Variants in SMAD1 observed in about 807,000 individuals in gnomAD.
SMAD1 encodes the protein MAD, mothers against decapentaplegic homolog 1.
SMAD1 carries 6 observed loss-of-function variants against 41.6 expected under a neutral mutation model. The observed-to-expected ratio is 0.14, with a 90% CI of 0.08 to 0.28. The LOEUF is 0.28. Among genes scored for constraint, SMAD1 ranks in the 10% least tolerant of loss-of-function variants. The pLI is 1.00. For missense variants in SMAD1, 379 were observed against 582.6 expected, an observed-to-expected ratio of 0.65 and a Z score of 3.60; for synonymous variants, 206 against 203.2, an observed-to-expected ratio of 1.01 and a Z score of -0.12.
chr4:145,514,495 T>C lies in SMAD1; in HGVS notation c.-119T>C. ...AATGGTAATTTCTACTCTTCTGGAC[T>C]TCAAACTAAGAAGTTAAAGAGACTT... On this transcript the variant is annotated 5_prime_UTR_variant, in exon 2 of 7. Coordinates refer to ENST00000302085, the MANE Select transcript of SMAD1 (RefSeq NM_005900.3). This position sits in a 1 kb window ranked among gnomAD's most constrained non-coding sequence, Gnocchi z 4.7. The C allele has an allele frequency of 1.0e-6, 1 of 1,000,376 alleles. No individual in the cohort carries two copies. Among genetic ancestry groups the C allele is most frequent in the Non-Finnish European group, 1.4e-6 (1 of 692,522 alleles). The allele number at this position is 1,000,376 out of a possible 1,614,324, so 62.0% of individuals were successfully genotyped here.
At chr4:145,524,701 C>T (rs938861918) in intron 2 of SMAD1, among the ~76,000 whole-genome samples, 2 of 151,672 alleles carry the variant, frequency 1.3e-5, no homozygotes, top group African/African-American at 2.4e-5. Flanking sequence ...CTTTCAGATT[C>T]ATTTAAAGTG....
intron 1 of SMAD1, among the ~76,000 whole-genome samples, chr4:145,489,910 A>G (rs1001423568): frequency 6.6e-6 from 1 of 152,226 alleles, no homozygotes; most frequent in Non-Finnish European, 1.5e-5. Context: ...GCTGTTTGAC[A>G]TAGACCAAAG....
At chr4:145,490,191 A>G (rs1728699322) in intron 1 of SMAD1, among the ~76,000 whole-genome samples, 1 of 152,156 alleles carries the variant, frequency 6.6e-6, no homozygotes, top group African/African-American at 2.4e-5. Flanking sequence ...GACAGAGAGC[A>G]ATTGGAGGTG....
rs541376109 is a variant in SMAD1 at position 145,491,258 on chromosome 4, A to C, written c.-177+9220A>C. On this transcript the variant is annotated intron_variant, in intron 1 of 6. Coordinates refer to ENST00000302085, the MANE Select transcript of SMAD1 (RefSeq NM_005900.3). ...AAATTGGTAGTGGACGTGAACAAGC[A>C]TTTCACAAACAAATGAAATGCCAAC... 2.9e-3 allele frequency among the ~76,000 whole-genome samples: 435 copies of C among 152,328 alleles called. 1 individual carries two copies. Among genetic ancestry groups the C allele is most frequent in the African/African-American group, 9.9e-3 (413 of 41,564 alleles).
chr4:145,494,382 C>G lies in SMAD1; in HGVS notation c.-177+12344C>G, dbSNP rs1297427672. On this transcript the variant is annotated intron_variant, in intron 1 of 6. Coordinates refer to ENST00000302085, the MANE Select transcript of SMAD1 (RefSeq NM_005900.3). Reference sequence around the variant, plus strand: ...AGGAATTGTAAGTACAGGACCTGCACTGAGGATCTTCTAACTTTAAGGAAC... The same window carrying G: ...AGGAATTGTAAGTACAGGACCTGCAGTGAGGATCTTCTAACTTTAAGGAAC... 2.0e-5 allele frequency among the ~76,000 whole-genome samples: 3 copies of G among 152,242 alleles called. No individual in the cohort carries two copies. The East Asian group carries it at 5.8e-4, about 29-fold the overall frequency.
chr4:145,504,482 C>G (rs1187347184), intron 1 of SMAD1, among the ~76,000 whole-genome samples: 1 of 152,154 alleles, frequency 6.6e-6, no homozygotes, highest in East Asian at 1.9e-4. Context: ...ATCTTTCATG[C>G]TTTTTGTTAG....
At chr4:145,481,300 G>A (rs1268336096), upstream of SMAD1, 2 of 152,064 alleles carry the variant, frequency 1.3e-5, no homozygotes, top group African/African-American at 2.4e-5. Context: ...TATTTACTAG[G>A]CTATCCAATT....
Position 145,540,972 on chromosome 4 carries a change from T to TTAAA in SMAD1, c.658+913_658+914insAATA, listed in dbSNP as rs569422103. On this transcript the variant is annotated intron_variant, in intron 3 of 6. Transcript: ENST00000302085. Reference sequence around the variant, plus strand: ...TTGCTTTCTTTTATTTATGTATTTATTACCTTCTTTTATTTAAATCTTGTT... The same window carrying TTAAA: ...TTGCTTTCTTTTATTTATGTATTTATTAAATACCTTCTTTTATTTAAATCTTGTT... Among the ~76,000 whole-genome samples, 103 of 152,226 alleles carry TTAAA rather than the reference T, an allele frequency of 6.8e-4. 1 individual carries two copies. Among genetic ancestry groups the TTAAA allele is most frequent in the Non-Finnish European group, 1.2e-3 (84 of 68,046 alleles).
At chr4:145,498,538 CA>C (rs1729227788) in intron 1 of SMAD1, among the ~76,000 whole-genome samples, 1 of 152,118 alleles carries the variant, frequency 6.6e-6, no homozygotes, top group Non-Finnish European at 1.5e-5. Context: ...TTGAAAACAG[CA>C]ATTGGTTAAA....
intron 1 of SMAD1, among the ~76,000 whole-genome samples, chr4:145,501,778 A>G (rs1019653856): frequency 2.0e-5 from 3 of 151,640 alleles, no homozygotes; most frequent in African/African-American, 7.3e-5. Flanking sequence ...CTGGTTTAAA[A>G]TATAGATATA....
Position 145,558,681 on chromosome 4 carries a change from G to T in SMAD1, c.*747G>T, listed in dbSNP as rs111473861. The stretch of plus-strand genomic sequence containing the variant: ...GTTTGTTGCTTTAAAGAAACAAACT[G>T]ATACCTGAATTTTGCTGTGTTTCCA... On this transcript the variant is annotated 3_prime_UTR_variant, in exon 7 of 7. Transcript: ENST00000302085. Among the ~76,000 whole-genome samples, 1,976 of 149,800 alleles carry T rather than the reference G, an allele frequency of 0.013. 59 individuals carry two copies. Among genetic ancestry groups the T allele is most frequent in the African/African-American group, 0.047 (1,884 of 39,856 alleles).
intron 1 of SMAD1, among the ~76,000 whole-genome samples, chr4:145,498,433 C>G (rs1357678578): frequency 6.6e-6 from 1 of 152,090 alleles, no homozygotes; most frequent in East Asian, 1.9e-4. Flanking sequence ...TATCTTGCCA[C>G]CTGTTGGTCA....
Position 145,496,976 on chromosome 4 carries a change from A to G in SMAD1, c.-177+14938A>G, listed in dbSNP as rs1729113709. The G allele has an allele frequency of 2.0e-5, 3 of 152,124 alleles. No homozygotes were observed. The South Asian group carries it at 6.2e-4, about 31-fold the overall frequency. The allele number at this position is 152,124 out of a possible 1,614,324, so 9.4% of individuals were successfully genotyped here. ...TATATGACATAAAATGTTTGTCTTT[A>G]TGTTTTTATAATATACTAAAACACT... On this transcript the variant is annotated intron_variant, in intron 1 of 6. Coordinates refer to ENST00000302085, the MANE Select transcript of SMAD1 (RefSeq NM_005900.3).
At chr4:145,486,544 C>T (rs1578729102) in intron 1 of SMAD1, among the ~76,000 whole-genome samples, 1 of 152,262 alleles carries the variant, frequency 6.6e-6, no homozygotes, top group African/African-American at 2.4e-5. Context: ...AACTATGGAT[C>T]TTGTATCTTC....
intron 5 of SMAD1, among the ~76,000 whole-genome samples, chr4:145,551,742 C>T (rs974619930): frequency 1.3e-5 from 2 of 152,188 alleles, no homozygotes; most frequent in Middle Eastern, 3.2e-3. Context: ...TTTTGCTCTA[C>T]ACTCAAATTC....
At chr4:145,517,601 T>G (rs1730490854) in intron 2 of SMAD1, among the ~76,000 whole-genome samples, 1 of 152,178 alleles carries the variant, frequency 6.6e-6, no homozygotes, top group Non-Finnish European at 1.5e-5. Flanking sequence ...AAGCATAATT[T>G]GATAAATTTT....
chr4:145,490,563 G>T (rs1449744152), intron 1 of SMAD1, among the ~76,000 whole-genome samples: 1 of 152,176 alleles, frequency 6.6e-6, no homozygotes, highest in Admixed American at 6.5e-5. Flanking sequence ...GTAGGCTTAG[G>T]GATAGCAAAT....
At chr4:145,531,506 A>G (rs1410062486) in intron 2 of SMAD1, among the ~76,000 whole-genome samples, 2 of 152,088 alleles carry the variant, frequency 1.3e-5, no homozygotes, top group African/African-American at 2.4e-5. Context: ...ATGTCCTGAG[A>G]TTCAACTTAG....
rs112889271 is a variant in SMAD1 at position 145,547,595 on chromosome 4, C to G, written c.997+671C>G. On this transcript the variant is annotated intron_variant, in intron 5 of 6. Transcript: ENST00000302085. Reference sequence around the variant, plus strand: ...TAAATCCCGAACTCTTTTTAGTAAACTTGATTATTTCATAGCAGTATGAGT... The same window carrying G: ...TAAATCCCGAACTCTTTTTAGTAAAGTTGATTATTTCATAGCAGTATGAGT... Among the ~76,000 whole-genome samples the G allele has an allele frequency of 3.4e-3, 519 of 152,184 alleles. 3 individuals are homozygous for G. The highest frequency in any genetic ancestry group is 6.8e-3 in the Middle Eastern group (2 of 294).
Sources: gnomAD v4.1 joint callset for allele counts (sites outside exome capture counted in the v4.1 genomes callset) on GRCh38, gnomAD v4.1.1 for gene constraint, Gnocchi (gnomAD v3.1) non-coding constraint, MANE v1.5 for transcripts, NCBI Gene and HGNC (gene_info 2026-07-23, HGNC 2026-07-21) for gene names.